Variants in SIM1 observed in about 807,000 individuals in gnomAD.
SIM1 encodes single-minded homolog 1.
SIM1 carries 18 observed loss-of-function variants against 78.2 expected under a neutral mutation model. The ratio of observed to expected loss-of-function variants is 0.23; its 90% CI spans 0.16 to 0.34. SIM1 has a LOEUF of 0.34. Among genes scored for constraint, SIM1 ranks in the 10% least tolerant of loss-of-function variants. The pLI is 1.00. For missense variants in SIM1, 939 were observed against 975.1 expected (o/e 0.96, Z 0.49); for synonymous variants, 417 against 385.2 (o/e 1.08, Z -0.97).
At chr6:100,401,917 A>C (rs1439437012) in intron 10 of SIM1, among the ~76,000 whole-genome samples, 2 of 152,186 alleles carry the variant, frequency 1.3e-5, no homozygotes, top group African/African-American at 4.8e-5. Context: ...TAAAGTTATC[A>C]ACTAGCAATT....
At chr6:100,448,308 C>T (rs1415581314) in intron 7 of SIM1, 56 bp from the exon 8 acceptor site, 2 of 1,452,474 alleles carry the variant, frequency 1.4e-6, no homozygotes, top group East Asian at 4.8e-5. Flanking sequence ...GGATGCCCTC[C>T]CCACACACCC....
At position 100,406,689 on chromosome 6, in the gene SIM1, T is replaced by C. The variant is rs187765941; in HGVS notation, c.1168-12800A>G. On this transcript the variant is annotated intron_variant, in intron 10 of 11. Coordinates refer to ENST00000369208, the MANE Select transcript of SIM1 (RefSeq NM_005068.3). ...ACATCAGAACCTTTGCCTCAAGCTT[T>C]ACTGCAGTATAATTGACTACTAAAT... Among the ~76,000 whole-genome samples, 192 of 152,304 alleles carry C rather than the reference T, an allele frequency of 1.3e-3. 1 individual carries two copies. The highest frequency in any genetic ancestry group is 4.4e-3 in the African/African-American group (185 of 41,576).
intron 10 of SIM1, among the ~76,000 whole-genome samples, chr6:100,409,941 T>A (rs148210425): frequency 5.3e-5 from 8 of 152,310 alleles, no homozygotes; most frequent in African/African-American, 1.9e-4. Flanking sequence ...ATTTGTGGAC[T>A]AACAAATGAC....
chr6:100,410,397 C>T (rs188526750), intron 10 of SIM1, among the ~76,000 whole-genome samples: 10 of 152,308 alleles, frequency 6.6e-5, no homozygotes, highest in Middle Eastern at 3.4e-3. Context: ...AGTTGCTCCA[C>T]CCGCTGCCTG....
chr6:100,443,103 C>G (rs1027020947), intron 9 of SIM1, among the ~76,000 whole-genome samples: 1 of 151,808 alleles, frequency 6.6e-6, no homozygotes, highest in South Asian at 2.1e-4. Flanking sequence ...CTGTATGTCA[C>G]CTTTGGTATT....
chr6:100,422,922 A>G lies in SIM1; in HGVS notation c.999-1964T>C, dbSNP rs560039354. On this transcript the variant is annotated intron_variant, in intron 9 of 11. Transcript: ENST00000369208. Reference sequence around the variant, plus strand: ...AGCTGCAACAATATCACTGCCACCAAACACAGGGCAATGATGTATATCAGC... The same window carrying G: ...AGCTGCAACAATATCACTGCCACCAGACACAGGGCAATGATGTATATCAGC... Among the ~76,000 whole-genome samples the G allele has an allele frequency of 1.2e-4, 18 of 152,280 alleles. No individual in the cohort carries two copies. The South Asian group carries it at 2.7e-3, about 23-fold the overall frequency.
chr6:100,408,454 A>G (rs1771106921), intron 10 of SIM1, among the ~76,000 whole-genome samples: 1 of 151,900 alleles, frequency 6.6e-6, no homozygotes, highest in African/African-American at 2.4e-5. Flanking sequence ...TTGGTCCTAT[A>G]TGAATTTGAG....
At chr6:100,426,610 A>G (rs1326804266) in intron 9 of SIM1, among the ~76,000 whole-genome samples, 2 of 152,238 alleles carry the variant, frequency 1.3e-5, no homozygotes, top group African/African-American at 2.4e-5. Flanking sequence ...CCATAATACC[A>G]ATAGCCAAAC....
chr6:100,450,696 T>TCTCTCTCTCACACACACACACA (rs1421452803), intron 3 of SIM1, among the ~76,000 whole-genome samples: 1 of 91,878 alleles, frequency 1.1e-5, no homozygotes, highest in African/African-American at 3.9e-5. Context: ...TCTCTCTCTC[T>TCTCTCTCTCACACACACACACA]CACACACACA....
chr6:100,461,532 C>T (rs1280732248), intron 2 of SIM1, among the ~76,000 whole-genome samples: 2 of 152,200 alleles, frequency 1.3e-5, no homozygotes, highest in South Asian at 2.1e-4. Flanking sequence ...CGAGCGACAT[C>T]GGCACCAATA....
chr6:100,454,344 T>G (rs1197380922), intron 2 of SIM1, among the ~76,000 whole-genome samples: 1 of 152,196 alleles, frequency 6.6e-6, no homozygotes, highest in Non-Finnish European at 1.5e-5. Flanking sequence ...GCTGCGGGGC[T>G]TCTAGCCACT....
intron 10 of SIM1, among the ~76,000 whole-genome samples, chr6:100,417,770 T>C (rs1771441472): frequency 6.6e-6 from 1 of 152,200 alleles, no homozygotes; most frequent in African/African-American, 2.4e-5. Flanking sequence ...GATAGCATGT[T>C]CCATTTCTGA....
At position 100,412,589 on chromosome 6, in the gene SIM1, AAG is replaced by A. The variant is rs1309771405; in HGVS notation, c.1167+8199_1167+8200del. Among the ~76,000 whole-genome samples the A allele has an allele frequency of 4.0e-3, 449 of 113,428 alleles. 28 individuals carry two copies. The highest frequency in any genetic ancestry group is 5.8e-3 in the Non-Finnish European group (304 of 52,374). The allele number at this position is 113,428 out of a possible 152,430, so 74.4% of individuals were successfully genotyped here. A position where few individuals can be genotyped will look rare whatever the true frequency, so the allele number is the denominator to read the frequency against. ...AAAGAAAGAAAGAAAGAAAGAAAGA[AAG>A]AAAGAAAGAAAGAAAGAAAGGAAAG... On this transcript the variant is annotated intron_variant, in intron 10 of 11. Transcript: ENST00000369208.
chr6:100,448,647 C>G lies in SIM1; in HGVS notation c.575G>C (p.Arg192Pro). 6 of 1,612,930 alleles carry G rather than the reference C, an allele frequency of 3.7e-6. No homozygotes were observed. The highest frequency in any genetic ancestry group is 5.1e-6 in the Non-Finnish European group (6 of 1,179,994). Residue 192 changes from arginine (R) to proline (P), a missense_variant, in exon 7 of 12, where the codon CGC becomes CCC. By Grantham distance (103) the Arg-to-Pro change is moderately radical. Around this residue, in one of 5 missense-constraint regions of SIM1, gnomAD observed 187 missense variants for 191.6 expected, o/e 0.98. Coordinates refer to ENST00000369208, the MANE Select transcript of SIM1 (RefSeq NM_005068.3). Reference protein sequence around the residue: ...VIHCSGYLKIRQYSLDMSPFD... With the variant: ...VIHCSGYLKIPQYSLDMSPFD... ...GGGGGACATGTCCAGGCTGTACTGG[C>G]GGATCTTCAAGTAGCCGCTGCAGTG...
intron 3 of SIM1, among the ~76,000 whole-genome samples, chr6:100,452,825 C>A (rs1260409691): frequency 1.3e-5 from 2 of 152,140 alleles, no homozygotes; most frequent in Non-Finnish European, 2.9e-5. Flanking sequence ...CAACCCCTTC[C>A]TTTGTCCCAC....
chr6:100,391,104 A>G lies in SIM1; in HGVS notation c.1571-13T>C, dbSNP rs1208030434. On this transcript the variant is annotated splice_polypyrimidine_tract_variant and intron_variant, in intron 11 of 11. Coordinates refer to ENST00000369208, the MANE Select transcript of SIM1 (RefSeq NM_005068.3). ...CAATGACCTCGCCCTAAAAATTAGA[A>G]AAAGTCAAAAGTAAGTGATCTCAGA... 1 of 1,556,600 alleles carries G rather than the reference A, an allele frequency of 6.4e-7. No homozygotes were observed. The highest frequency in any genetic ancestry group is 2.3e-5 in the East Asian group (1 of 44,304).
At position 100,412,632 on chromosome 6, in the gene SIM1, GAA is replaced by G. The variant is rs1462196035; in HGVS notation, c.1167+8156_1167+8157del. Among the ~76,000 whole-genome samples the G allele has an allele frequency of 4.5e-4, 39 of 87,514 alleles. 1 individual carries two copies. The highest frequency in any genetic ancestry group is 1.5e-3 in the African/African-American group (37 of 24,334). 57.4% of individuals were successfully genotyped at this position (87,514 alleles called of 152,430 possible). A position where few individuals can be genotyped will look rare whatever the true frequency, so the allele number is the denominator to read the frequency against. The stretch of plus-strand genomic sequence containing the variant: ...GAAAGGAAAGAAAGAAGGAAAGAAA[GAA>G]AGAAAAGAAAGAAAGAAAGAAAGAG... On this transcript the variant is annotated intron_variant, in intron 10 of 11. Coordinates refer to ENST00000369208, the MANE Select transcript of SIM1 (RefSeq NM_005068.3).
At chr6:100,429,125 T>C (rs1164663719) in intron 9 of SIM1, among the ~76,000 whole-genome samples, 1 of 152,178 alleles carries the variant, frequency 6.6e-6, no homozygotes, top group Non-Finnish European at 1.5e-5. Context: ...TCCCAGCACT[T>C]TGGGAGGCCA....
intron 10 of SIM1, among the ~76,000 whole-genome samples, chr6:100,398,884 A>C (rs932818225): frequency 8.6e-5 from 13 of 152,006 alleles, no homozygotes; most frequent in Admixed American, 2.0e-4. Flanking sequence ...CATTCCCATT[A>C]ATAGTACAAC....
Sources: gnomAD v4.1 joint callset for allele counts (sites outside exome capture counted in the v4.1 genomes callset) on GRCh38, gnomAD v4.1.1 for gene constraint, gnomAD v4.1.1 regional missense constraint, MANE v1.5 for transcripts, NCBI Gene and HGNC (gene_info 2026-07-23, HGNC 2026-07-21) for gene names.